Variants in GPI observed in about 807,000 individuals in gnomAD.
GPI encodes the protein D-hexose-6-phosphate anomerase.
Under a neutral mutation model 75.8 loss-of-function variants are expected in GPI, and 56 were observed. That is an observed-to-expected ratio of 0.74 (90% CI 0.60 to 0.92). The LOEUF is 0.92. Ranked by LOEUF, GPI falls within the 40% of genes least tolerant of loss-of-function variation. The probability of loss-of-function intolerance (pLI) is 0.00; values close to 1 mark genes in which losing one functional copy is unlikely to be tolerated. For missense variants in GPI, 638 were observed against 741.0 expected (o/e 0.86, Z 1.61); for synonymous variants, 288 against 285.4 (o/e 1.01, Z -0.09).
At chr19:34,397,064 G>A (rs1293539870) in intron 14 of GPI, among the ~76,000 whole-genome samples, 1 of 152,174 alleles carries the variant, frequency 6.6e-6, no homozygotes, top group Non-Finnish European at 1.5e-5. Flanking sequence ...ACCTGCCTCG[G>A]CCTCCCTAAG....
At chr19:34,379,645 G>A (rs1040811341) in intron 8 of GPI, 83 bp downstream of exon 8, 16 of 1,128,414 alleles carry the variant, frequency 1.4e-5, no homozygotes, top group African/African-American at 1.2e-4. Flanking sequence ...GACGCGGTTC[G>A]TAGGTCTGGT....
In GPI at chr19:34,389,872, G is replaced by A. The variant is rs144852260; in HGVS notation, c.805-3376G>A. On this transcript the variant is annotated intron_variant, in intron 9 of 17. Transcript: ENST00000356487. The stretch of plus-strand genomic sequence containing the variant: ...CGTCTCTCTCCCACACTCTGTGTCC[G>A]TTGCCTGTGCTAGAAATGTGGGAGG... Among the ~76,000 whole-genome samples, 584 of 152,286 alleles carry A rather than the reference G, an allele frequency of 3.8e-3. 3 individuals are homozygous for A. The highest frequency in any genetic ancestry group is 0.013 in the African/African-American group (552 of 41,548).
At chr19:34,381,013 A>T in intron 8 of GPI, 1 of 301,494 alleles carries the variant, frequency 3.3e-6, no homozygotes, top group Admixed American at 4.5e-5. Context: ...CCTCCCACAC[A>T]TGGGAAGGGC....
chr19:34,366,580 G>A, intron 2 of GPI, 145 bp downstream of exon 2: 1 of 771,116 alleles, frequency 1.3e-6, no homozygotes, highest in Non-Finnish European at 2.4e-6. Context: ...TGAGGCACCT[G>A]TCCCTGGCTT....
rs753335583 is a variant in GPI at position 34,377,806 on chromosome 19, C to A, written c.558C>A (p.Asn186Lys). The A allele has an allele frequency of 6.2e-7, 1 of 1,613,946 alleles. No individual in the cohort carries two copies. Among genetic ancestry groups the A allele is most frequent in the Non-Finnish European group, 8.5e-7 (1 of 1,179,938 alleles). Reference protein sequence around the residue: ...SGGPRVWYVSNIDGTHIAKTL... With the variant: ...SGGPRVWYVSKIDGTHIAKTL... ...GTCCCCGCGTCTGGTATGTCTCCAACATTGATGGAACTCACATTGCCAAAA... is the reference window on the plus strand; with the variant it reads ...GTCCCCGCGTCTGGTATGTCTCCAAAATTGATGGAACTCACATTGCCAAAA... Residue 186 changes from asparagine to lysine, a missense_variant, in exon 6 of 18, where the codon AAC becomes AAA. Transcript: ENST00000356487.
intron 14 of GPI, chr19:34,397,453 T>G (rs2074962110): frequency 6.6e-6 from 1 of 152,410 alleles, no homozygotes. Flanking sequence ...TGCATCTCTC[T>G]GACTTGTTTA....
chr19:34,367,174 G>A (rs968823139), intron 3 of GPI: 6 of 433,356 alleles, frequency 1.4e-5, no homozygotes, highest in Middle Eastern at 3.4e-4. Flanking sequence ...TTTTAGTAGC[G>A]ACAAGAAGAA....
Position 34,377,778 on chromosome 19 carries a change from G to A in GPI, c.530G>A (p.Gly177Glu), listed in dbSNP as rs368002262. The change falls in exon 6 of 18, where the codon GGA becomes GAA. Residue 177 changes from glycine to glutamate, a missense_variant. Physicochemically the swap from Gly to Glu is moderately conservative, Grantham distance 98. Transcript: ENST00000356487. ...VTEALKPYSSGGPRVWYVSNI... is the reference protein window; with the variant it reads ...VTEALKPYSSEGPRVWYVSNI... ...GAAGCCCTTAAGCCATACTCTTCAG[G>A]AGGTCCCCGCGTCTGGTATGTCTCC... 3.1e-6 allele frequency: 5 copies of A among 1,613,912 alleles called. No individual in the cohort carries two copies. Among genetic ancestry groups the A allele is most frequent in the African/African-American group, 1.3e-5 (1 of 74,874 alleles).
chr19:34,385,360 C>CA (rs58133757), intron 9 of GPI, among the ~76,000 whole-genome samples: 8,310 of 95,062 alleles, frequency 0.087, 277 homozygotes, highest in Admixed American at 0.17. Context: ...AAACAAAAAA[C>CA]AAAAAAAAAA....
At chr19:34,394,824 G>A (rs2074921869) in intron 12 of GPI, among the ~76,000 whole-genome samples, 1 of 151,598 alleles carries the variant, frequency 6.6e-6, no homozygotes, top group African/African-American at 2.4e-5. Flanking sequence ...AGCAATTCCT[G>A]TGCCTCAGCC....
At chr19:34,376,095 TTGG>T (rs1336769394) in intron 4 of GPI, among the ~76,000 whole-genome samples, 2 of 152,060 alleles carry the variant, frequency 1.3e-5, no homozygotes, top group African/African-American at 4.8e-5. Flanking sequence ...AAGAGTCTAG[TTGG>T]TGGTGAGTGT....
Position 34,400,609 on chromosome 19 carries a change from C to T in GPI, c.*573C>T. 2.4e-6 allele frequency: 1 copy of T among 413,970 alleles called. No individual in the cohort carries two copies. The highest frequency in any genetic ancestry group is 4.3e-6 in the Non-Finnish European group (1 of 234,112). The allele number at this position is 413,970 out of a possible 1,614,324, so 25.6% of individuals were successfully genotyped here. On this transcript the variant is annotated 3_prime_UTR_variant, in exon 18 of 18. Coordinates refer to ENST00000356487, the MANE Select transcript of GPI (RefSeq NM_000175.5). ...TGGATACTCTGTTCACTCGATGGTT[C>T]TAAAAACTGCATTGAGATTATGTTT...
chr19:34,397,197 C>T, intron 14 of GPI: 1 of 172,772 alleles, frequency 5.8e-6, no homozygotes, highest in Non-Finnish European at 1.3e-5. Context: ...AAGGTGTCAT[C>T]AGGACTGTGT....
At chr19:34,383,755 G>A (rs778060059) in intron 9 of GPI, among the ~76,000 whole-genome samples, 9 of 152,152 alleles carry the variant, frequency 5.9e-5, no homozygotes, top group Non-Finnish European at 1.2e-4. Flanking sequence ...CTGGGTGGGT[G>A]CGGTCTGAGT....
intron 9 of GPI, among the ~76,000 whole-genome samples, chr19:34,391,289 G>A (rs1347445988): frequency 1.1e-3 from 1 of 874 alleles, no homozygotes; most frequent in Non-Finnish European, 2.7e-3. Context: ...CCATGTCTAA[G>A]GAGGTAAGAT....
intron 14 of GPI, chr19:34,398,927 G>A: frequency 3.4e-6 from 1 of 294,406 alleles, no homozygotes; most frequent in East Asian, 7.9e-5. Flanking sequence ...GGCTGGTCTC[G>A]AGCTCCTGAC....
upstream of GPI, among the ~76,000 whole-genome samples, chr19:34,363,597 G>A (rs1006944542): frequency 5.9e-5 from 9 of 152,158 alleles, no homozygotes; most frequent in African/African-American, 2.2e-4. Context: ...TGAGGCAGGC[G>A]GATAATGAGG....
chr19:34,367,180 A>C (rs983109618), intron 3 of GPI: 3 of 420,836 alleles, frequency 7.1e-6, no homozygotes, highest in Non-Finnish European at 1.4e-5. Flanking sequence ...TAGCGACAAG[A>C]AGAATCTTAG....
chr19:34,388,470 C>A (rs1246168720), intron 9 of GPI, among the ~76,000 whole-genome samples: 1 of 133,472 alleles, frequency 7.5e-6, no homozygotes, highest in Non-Finnish European at 1.6e-5. Flanking sequence ...GTGAGAGACC[C>A]TGTCTCAAAA....
Sources: gnomAD v4.1 joint callset for allele counts (sites outside exome capture counted in the v4.1 genomes callset) on GRCh38, gnomAD v4.1.1 for gene constraint, MANE v1.5 for transcripts, NCBI Gene and HGNC (gene_info 2026-07-23, HGNC 2026-07-21) for gene names.